The following BNC2 variants were observed in gnomAD, a reference collection of about 807,000 sequenced individuals.
BNC2 encodes the protein zinc finger protein basonuclin-2.
BNC2 carries 20 observed loss-of-function variants against 76.3 expected under a neutral mutation model. The observed-to-expected ratio is 0.26, with a 90% CI of 0.18 to 0.38. The LOEUF (loss-of-function observed/expected upper bound fraction) is 0.38. Among genes scored for constraint, BNC2 ranks in the 10% least tolerant of loss-of-function variants. The pLI, the probability that BNC2 is intolerant of heterozygous loss-of-function variation, is 1.00. For synonymous variants in BNC2, 582 were observed against 514.8 expected (o/e 1.13, Z -1.77); for missense variants, 1,382 against 1,399.8 (o/e 0.99, Z 0.20).
chr9:16,616,837 A>AAGGAAGGAAGGAAGTT lies in BNC2; in HGVS notation c.331-33753_331-33752insAACTTCCTTCCTTCCT, dbSNP rs1431416345. Among the ~76,000 whole-genome samples, 267 of 150,014 alleles carry AAGGAAGGAAGGAAGTT rather than the reference A, an allele frequency of 1.8e-3. 4 individuals carry two copies. The highest frequency in any genetic ancestry group is 0.014 in the Admixed American group (213 of 14,978). On this transcript the variant is annotated intron_variant, in intron 3 of 6. Coordinates refer to ENST00000380672, the MANE Select transcript of BNC2 (RefSeq NM_017637.6). ...GAAGGAAGAAAGGAAGGAAGGAAGG[A>AAGGAAGGAAGGAAGTT]AGTTCTACTGACACGTGGGAATTTC...
At chr9:16,776,605 T>C (rs373039600) in intron 1 of BNC2, among the ~76,000 whole-genome samples, 2 of 152,206 alleles carry the variant, frequency 1.3e-5, no homozygotes, top group African/African-American at 2.4e-5. Flanking sequence ...AGCCAATTAA[T>C]TGTAAAGACG....
At chr9:16,497,180 C>T (rs1049487974) in intron 5 of BNC2, among the ~76,000 whole-genome samples, 5 of 152,128 alleles carry the variant, frequency 3.3e-5, no homozygotes, top group African/African-American at 1.2e-4. Flanking sequence ...AAAGGGGTTT[C>T]CTAGTCATCT....
rs761122889 is a variant in BNC2, at chr9:16,706,332, C to T, written c.330+21465G>A. 5.9e-4 allele frequency among the ~76,000 whole-genome samples: 89 copies of T among 152,076 alleles called. 1 individual carries two copies. The highest frequency in any genetic ancestry group is 5.4e-4 in the Non-Finnish European group (37 of 68,024). Reference sequence around the variant, plus strand: ...ATCTTGTCCAATTGTTTTATTATTCCTCTTCTCTACTGTAGTCATAGGCAA... The same window carrying T: ...ATCTTGTCCAATTGTTTTATTATTCTTCTTCTCTACTGTAGTCATAGGCAA... On this transcript the variant is annotated intron_variant, in intron 3 of 6. Coordinates refer to ENST00000380672, the MANE Select transcript of BNC2 (RefSeq NM_017637.6).
chr9:16,503,408 T>C (rs1163155207), intron 5 of BNC2, among the ~76,000 whole-genome samples: 1 of 149,766 alleles, frequency 6.7e-6, no homozygotes, highest in African/African-American at 2.6e-5. Flanking sequence ...ACAATCCATC[T>C]AACTTTTTTT....
intron 1 of BNC2, among the ~76,000 whole-genome samples, chr9:16,776,181 C>A (rs944125457): frequency 6.7e-6 from 1 of 148,264 alleles, no homozygotes; most frequent in African/African-American, 2.6e-5. Flanking sequence ...CTCTTGTCGC[C>A]CAGGCTGGAG....
At chr9:16,635,109 T>G (rs1040070040) in intron 3 of BNC2, among the ~76,000 whole-genome samples, 1 of 152,240 alleles carries the variant, frequency 6.6e-6, no homozygotes, top group African/African-American at 2.4e-5. Flanking sequence ...TCTTGCAGTC[T>G]TAGCTGCATT....
intron 5 of BNC2, among the ~76,000 whole-genome samples, chr9:16,461,226 A>T (rs1821572414): frequency 6.6e-6 from 1 of 152,138 alleles, no homozygotes; most frequent in East Asian, 1.9e-4. Context: ...TTCAAAAATG[A>T]TCATTTTATA....
At chr9:16,866,826 G>A (rs1259227688) in intron 1 of BNC2, among the ~76,000 whole-genome samples, 1 of 152,060 alleles carries the variant, frequency 6.6e-6, no homozygotes, top group East Asian at 1.9e-4. Context: ...CTCTTCAGAG[G>A]GGATTTTACT....
At chr9:16,577,616 G>A (rs1819522112) in intron 4 of BNC2, among the ~76,000 whole-genome samples, 1 of 151,992 alleles carries the variant, frequency 6.6e-6, no homozygotes, top group Admixed American at 6.6e-5. Flanking sequence ...TCAGGAGTTT[G>A]GAGAAAATAT....
At chr9:16,720,869 T>C (rs932540438) in intron 3 of BNC2, among the ~76,000 whole-genome samples, 11 of 152,178 alleles carry the variant, frequency 7.2e-5, no homozygotes, top group Non-Finnish European at 8.8e-5. Flanking sequence ...CATGAAATGC[T>C]ACATACAGCA....
At chr9:16,516,638 C>G (rs1587122160) in intron 5 of BNC2, among the ~76,000 whole-genome samples, 3 of 152,248 alleles carry the variant, frequency 2.0e-5, no homozygotes, top group Admixed American at 6.5e-5. Context: ...AAAACAAACT[C>G]AGTTAAATGT....
chr9:16,865,993 T>C (rs750665263), intron 1 of BNC2, among the ~76,000 whole-genome samples: 3 of 152,162 alleles, frequency 2.0e-5, no homozygotes, highest in Non-Finnish European at 4.4e-5. Flanking sequence ...TAATGAGAGC[T>C]ACTGTGCAAA....
intron 5 of BNC2, among the ~76,000 whole-genome samples, chr9:16,523,767 A>T (rs992802063): frequency 6.6e-6 from 1 of 151,884 alleles, no homozygotes; most frequent in African/African-American, 2.4e-5. Context: ...TCTACTAAAA[A>T]TACAAAAAAT....
intron 3 of BNC2, among the ~76,000 whole-genome samples, chr9:16,700,070 T>C (rs2134554487): frequency 6.6e-6 from 1 of 152,364 alleles, no homozygotes; most frequent in South Asian, 2.1e-4. Context: ...GATATGTATA[T>C]GTCTTTAATA....
At chr9:16,501,223 T>C (rs1209145220) in intron 5 of BNC2, among the ~76,000 whole-genome samples, 2 of 152,214 alleles carry the variant, frequency 1.3e-5, no homozygotes, top group Non-Finnish European at 2.9e-5. Context: ...GAAATGTAAT[T>C]AGCCTTTCAA....
chr9:16,512,482 G>A (rs546651481), intron 5 of BNC2, among the ~76,000 whole-genome samples: 2 of 141,496 alleles, frequency 1.4e-5, no homozygotes, highest in Non-Finnish European at 3.0e-5. Flanking sequence ...GGTAACACAC[G>A]CGCACACACA....
intron 5 of BNC2, among the ~76,000 whole-genome samples, chr9:16,508,132 C>T (rs1473186520): frequency 1.3e-5 from 2 of 152,222 alleles, no homozygotes; most frequent in Non-Finnish European, 2.9e-5. Context: ...AGTTTAAGTA[C>T]TGCAACAAAG....
At chr9:16,814,748 C>T (rs1818139436) in intron 1 of BNC2, among the ~76,000 whole-genome samples, 1 of 152,140 alleles carries the variant, frequency 6.6e-6, no homozygotes, top group Admixed American at 6.5e-5. Context: ...CATAATGTGC[C>T]AAATGCCACA....
intron 1 of BNC2, among the ~76,000 whole-genome samples, chr9:16,796,604 A>AGGGAAG (rs1817658401): frequency 6.7e-6 from 1 of 150,274 alleles, no homozygotes; most frequent in African/African-American, 2.5e-5. Context: ...AAGGAAGGGA[A>AGGGAAG]GGGAAGGGAA....
Sources: allele counts gnomAD v4.1 joint callset (sites outside exome capture counted in the v4.1 genomes callset), GRCh38; gene constraint gnomAD v4.1.1; transcripts MANE v1.5; gene names NCBI Gene and HGNC (gene_info 2026-07-23, HGNC 2026-07-21).